The following LITAF variants were observed in gnomAD, a reference collection of about 807,000 sequenced individuals.
LITAF encodes lipopolysaccharide induced TNF factor, also known as lipopolysaccharide-induced tumor necrosis factor-alpha factor.
LITAF carries 9 observed loss-of-function variants against 14.5 expected under a neutral mutation model. That is an observed-to-expected ratio of 0.62 (90% CI 0.37 to 1.08). LITAF has a LOEUF of 1.08. LITAF is among the 50% of genes least tolerant of loss of function. The pLI is 0.01. For synonymous variants in LITAF, 98 were observed against 88.2 expected, an observed-to-expected ratio of 1.11 and a Z score of -0.62; for missense variants, 206 against 213.4, an observed-to-expected ratio of 0.97 and a Z score of 0.22.
chr16:11,568,246 C>T (rs564501043), intron 1 of LITAF, among the ~76,000 whole-genome samples: 2 of 150,662 alleles, frequency 1.3e-5, no homozygotes, highest in African/African-American at 4.9e-5. Flanking sequence ...CATGTTTGCA[C>T]TACTGCACTC....
upstream of LITAF, among the ~76,000 whole-genome samples, chr16:11,639,887 C>G (rs1475766564): frequency 6.6e-6 from 1 of 152,130 alleles, no homozygotes; most frequent in Non-Finnish European, 1.5e-5. Flanking sequence ...AGATCCTACC[C>G]TCTCAGCCCC....
chr16:11,625,445 T>TAAACA (rs1420281685), intron 3 of LITAF, among the ~76,000 whole-genome samples: 5 of 152,000 alleles, frequency 3.3e-5, no homozygotes, highest in African/African-American at 1.2e-4. Context: ...GCATTTTTAG[T>TAAACA]GGAGACAGGG....
chr16:11,591,028 C>G (rs146244446), upstream of LITAF, among the ~76,000 whole-genome samples: 2,097 of 117,658 alleles, frequency 0.018, 761 homozygotes, highest in African/African-American at 0.08. Flanking sequence ...CCACCGTGCC[C>G]GGCCCAGGTC....
At chr16:11,621,075 T>C (rs1197472009) in intron 3 of LITAF, among the ~76,000 whole-genome samples, 1 of 151,880 alleles carries the variant, frequency 6.6e-6, no homozygotes, top group Non-Finnish European at 1.5e-5. Context: ...TTTTTTTTTT[T>C]TGAGATGGAG....
intron 2 of LITAF, chr16:11,556,207 G>T: frequency 1.9e-6 from 1 of 518,060 alleles, no homozygotes; most frequent in Non-Finnish European, 3.4e-6. Flanking sequence ...GAAGTGTGCG[G>T]GCCCTTAAGA....
intron 3 of LITAF, among the ~76,000 whole-genome samples, chr16:11,626,715 G>A (rs183723119): frequency 2.2e-4 from 34 of 151,954 alleles, no homozygotes; most frequent in Non-Finnish European, 2.9e-4. Flanking sequence ...CAGGTGATCC[G>A]CCCACCTTGG....
At chr16:11,556,879 G>A (rs947668084) in intron 1 of LITAF, 144 bp from the exon 2 acceptor site, 7 of 744,960 alleles carry the variant, frequency 9.4e-6, no homozygotes, top group East Asian at 2.7e-5. Flanking sequence ...GCTAGGAAGA[G>A]GGTTAATGTC....
chr16:11,551,365 AC>A (rs2064179416), intron 3 of LITAF, among the ~76,000 whole-genome samples: 1 of 151,954 alleles, frequency 6.6e-6, no homozygotes, highest in African/African-American at 2.4e-5. Flanking sequence ...ATTGCCCCGC[AC>A]CCCCGTCTAC....
chr16:11,622,470 C>G (rs2065057275), intron 3 of LITAF, among the ~76,000 whole-genome samples: 1 of 152,236 alleles, frequency 6.6e-6, no homozygotes, highest in Non-Finnish European at 1.5e-5. Context: ...GAGCCACTTG[C>G]AGACCGCACA....
At chr16:11,607,893 G>T (rs1482728360) in intron 3 of LITAF, among the ~76,000 whole-genome samples, 1 of 152,122 alleles carries the variant, frequency 6.6e-6, no homozygotes, top group Non-Finnish European at 1.5e-5. Flanking sequence ...GGCATCCAAA[G>T]ATGTCTCCAG....
Position 11,553,368 on chromosome 16 carries a change from C to G in LITAF, c.377+165G>C. Reference sequence around the variant, plus strand: ...GGGGGTTACAGTGAGCCGAGATCGCCCCACTGTACTCCAGCCTGGGCGACA... The same window carrying G: ...GGGGGTTACAGTGAGCCGAGATCGCGCCACTGTACTCCAGCCTGGGCGACA... On this transcript the variant is annotated intron_variant, in intron 3 of 3. Transcript: ENST00000622633. The surrounding 1 kb of genome is among the most constrained non-coding windows in gnomAD (Gnocchi z 7.7). 1 of 725,212 alleles carries G rather than the reference C, an allele frequency of 1.4e-6. No homozygotes were observed. 44.9% of individuals were successfully genotyped at this position (725,212 alleles called of 1,614,324 possible).
intron 1 of LITAF, among the ~76,000 whole-genome samples, chr16:11,566,183 T>C (rs907030464): frequency 2.0e-5 from 3 of 152,196 alleles, no homozygotes. Flanking sequence ...CTTGTCTGTC[T>C]TCCTATCTGG....
At chr16:11,606,218 G>A (rs552096349) in intron 3 of LITAF, among the ~76,000 whole-genome samples, 22 of 152,110 alleles carry the variant, frequency 1.4e-4, no homozygotes, top group African/African-American at 4.8e-4. Context: ...ACCCAGGCTG[G>A]AGTGCAGTGG....
At chr16:11,595,069 T>C (rs932983642) in intron 1 of LITAF, among the ~76,000 whole-genome samples, 3 of 152,174 alleles carry the variant, frequency 2.0e-5, no homozygotes, top group African/African-American at 7.2e-5. Flanking sequence ...AGGAACCCAG[T>C]TGCCAGTAAA....
chr16:11,624,898 C>T (rs550658231), intron 3 of LITAF, among the ~76,000 whole-genome samples: 2 of 152,278 alleles, frequency 1.3e-5, no homozygotes, highest in African/African-American at 2.4e-5. Context: ...TTAGTTTCCA[C>T]TCTGACCCTC....
At chr16:11,584,293 T>G (rs545625113) in intron 1 of LITAF, 2 of 139,242 alleles carry the variant, frequency 1.4e-5, no homozygotes, top group South Asian at 4.4e-4. Context: ...CTCTTGCAGA[T>G]CCTCTTTTTT....
At chr16:11,602,414 G>A (rs1271951621), upstream of LITAF, among the ~76,000 whole-genome samples, 1 of 152,102 alleles carries the variant, frequency 6.6e-6, no homozygotes. Context: ...AGAGCCCTAC[G>A]CAGGCTGTTA....
rs747227151 is a variant in LITAF, at chr16:11,553,731, C to T, written c.221-42G>A. The T allele has an allele frequency of 5.0e-6, 8 of 1,610,758 alleles. No individual in the cohort carries two copies. In the South Asian group the frequency reaches 8.8e-5, roughly 18 times the overall value. On this transcript the variant is annotated intron_variant, in intron 2 of 3. Transcript: ENST00000622633. The surrounding 1 kb of genome is among the most constrained non-coding windows in gnomAD (Gnocchi z 7.7). ...GGACAAACACAGGTTGCTCAGGAAA[C>T]AAGGCCAATAGCATTCACTACAGGA... is the stretch of plus-strand genomic sequence containing the variant.
chr16:11,565,221 T>G (rs1221101520), intron 1 of LITAF, among the ~76,000 whole-genome samples: 1 of 151,720 alleles, frequency 6.6e-6, no homozygotes, highest in African/African-American at 2.4e-5. Context: ...TAGCTGGGAT[T>G]ACAGGTGCCT....
Sources: allele counts gnomAD v4.1 joint callset (sites outside exome capture counted in the v4.1 genomes callset), GRCh38; gene constraint gnomAD v4.1.1; non-coding constraint Gnocchi (gnomAD v3.1); transcripts MANE v1.5; gene names NCBI Gene and HGNC (gene_info 2026-07-23, HGNC 2026-07-21).